The following HEATR4 variants were observed in gnomAD, a reference collection of about 807,000 sequenced individuals.
HEATR4 encodes HEAT repeat-containing protein 4.
A neutral mutation model predicts 108.8 loss-of-function variants in HEATR4; 95 were observed. The ratio of observed to expected loss-of-function variants is 0.87; its 90% CI spans 0.74 to 1.04. The LOEUF (loss-of-function observed/expected upper bound fraction) is 1.04. Ranked by LOEUF, HEATR4 falls within the 50% of genes least tolerant of loss-of-function variation. HEATR4 has a pLI of 0.00. For missense variants in HEATR4, 1,152 were observed against 1,253.8 expected (o/e 0.92, Z 1.23); for synonymous variants, 443 against 459.4 (o/e 0.96, Z 0.46).
chr14:73,502,560 T>G (rs1300172090), intron 11 of HEATR4, among the ~76,000 whole-genome samples: 11 of 152,052 alleles, frequency 7.2e-5, no homozygotes, highest in Admixed American at 7.2e-4. Context: ...AAGCACTTTT[T>G]TTTTTTGAGA....
the HEATR4 span, among the ~76,000 whole-genome samples, chr14:73,565,597 G>A: frequency 4.6e-5 from 7 of 151,866 alleles, 1 homozygote; most frequent in South Asian, 2.1e-4. Flanking sequence ...GGATGTGTTC[G>A]GAGTTTCTTC....
chr14:73,506,812 T>G lies in HEATR4; in HGVS notation c.1882-241A>C, dbSNP rs923480289. 3.2e-4 allele frequency among the ~76,000 whole-genome samples: 42 copies of G among 130,956 alleles called. 1 individual carries two copies. Among genetic ancestry groups the G allele is most frequent in the Admixed American group, 9.8e-4 (13 of 13,278 alleles). The allele number at this position is 130,956 out of a possible 152,430, so 85.9% of individuals were successfully genotyped here. A position where few individuals can be genotyped will look rare whatever the true frequency, so the allele number is the denominator to read the frequency against. On this transcript the variant is annotated intron_variant, in intron 9 of 17. Coordinates refer to ENST00000553558, the MANE Select transcript of HEATR4 (RefSeq NM_001220484.1). ...CTTTCCTGACTTTAACTGTTTTTTT[T>G]TTTTTTTTTTTTTCTGAGAAGGTTG...
At chr14:73,573,415 A>T in the HEATR4 span, 4 of 1,613,446 alleles carry the variant, frequency 2.5e-6, no homozygotes, top group Non-Finnish European at 3.4e-6. Context: ...GGGATTGTGG[A>T]CATGTTCGGA....
the HEATR4 span, among the ~76,000 whole-genome samples, chr14:73,593,424 G>A: frequency 2.3e-5 from 3 of 131,698 alleles, no homozygotes; most frequent in Admixed American, 9.5e-5. Context: ...CTGCAGCCTT[G>A]ACCTCTGGGG....
chr14:73,628,876 AC>A, the HEATR4 span, among the ~76,000 whole-genome samples: 1 of 150,662 alleles, frequency 6.6e-6, no homozygotes, highest in East Asian at 1.9e-4. Context: ...ACATGGTGAA[AC>A]CCCCGTCTCT....
chr14:73,606,640 C>A, the HEATR4 span, among the ~76,000 whole-genome samples: 2 of 152,098 alleles, frequency 1.3e-5, no homozygotes, highest in Non-Finnish European at 2.9e-5. Flanking sequence ...TTGAGCCTTA[C>A]CAAAGGTAAC....
the HEATR4 span, among the ~76,000 whole-genome samples, chr14:73,614,486 T>C: frequency 1.3e-5 from 2 of 151,964 alleles, no homozygotes; most frequent in African/African-American, 2.4e-5. Flanking sequence ...ACACCTGTAA[T>C]CCTAGCACTT....
intron 2 of HEATR4, among the ~76,000 whole-genome samples, chr14:73,528,120 C>T (rs1300099031): frequency 3.3e-5 from 5 of 151,904 alleles, no homozygotes; most frequent in East Asian, 1.9e-4. Flanking sequence ...GGAGGCTATG[C>T]GCGGTGGCTC....
At chr14:73,554,967 G>A (rs1889373960) in intron 1 of HEATR4, among the ~76,000 whole-genome samples, 1 of 113,224 alleles carries the variant, frequency 8.8e-6, no homozygotes, top group Non-Finnish European at 1.9e-5. Context: ...CTGAAGCTAT[G>A]AAGAATAAAT....
chr14:73,523,292 C>A, intron 2 of HEATR4, 68 bp from the exon 3 acceptor site: 1 of 748,136 alleles, frequency 1.3e-6, no homozygotes, highest in South Asian at 2.2e-5. Flanking sequence ...CATAGCAGTT[C>A]AGAAAGAGAA....
rs34302440 is a variant in HEATR4, at chr14:73,492,999, C to CCT, written c.2844+66_2844+67insAG. ...AGTGATTCTCCGCTGCCACTGCTAC[C>CCT]TTTTTTTTTTTTTTTTCCTTAAACT... On this transcript the variant is annotated intron_variant, in intron 17 of 17. Transcript: ENST00000553558. The surrounding 1 kb of genome is among the most constrained non-coding windows in gnomAD (Gnocchi z 4.9). 2.1e-6 allele frequency: 3 copies of CCT among 1,460,630 alleles called. No individual in the cohort carries two copies. The highest frequency in any genetic ancestry group is 1.5e-5 in the African/African-American group (1 of 65,894). 90.5% of individuals were successfully genotyped at this position (1,460,630 alleles called of 1,614,324 possible).
intron 17 of HEATR4, among the ~76,000 whole-genome samples, chr14:73,484,863 T>C (rs10137031): frequency 0.35 from 50,623 of 146,362 alleles, 8,644 homozygotes; most frequent in East Asian, 0.49. Flanking sequence ...CACACACACA[T>C]ATATGGTTTT....
chr14:73,573,458 T>A, the HEATR4 span: 1 of 1,613,736 alleles, frequency 6.2e-7, no homozygotes, highest in South Asian at 1.1e-5. Flanking sequence ...ATCGGGCTAG[T>A]CTGCTGGCTG....
At chr14:73,523,284 T>C (rs1303215991) in intron 2 of HEATR4, 60 bp from the exon 3 acceptor site, 9 of 826,362 alleles carry the variant, frequency 1.1e-5, no homozygotes, top group Non-Finnish European at 1.6e-5. Flanking sequence ...TGGTAGCCCA[T>C]AGCAGTTCAG....
chr14:73,518,678 G>A (rs1039077764), intron 5 of HEATR4, among the ~76,000 whole-genome samples: 1 of 152,154 alleles, frequency 6.6e-6, no homozygotes, highest in African/African-American at 2.4e-5. Context: ...AGGGCAGAAT[G>A]CTGGGTCAGG....
At chr14:73,573,741 T>C in the HEATR4 span, 1 of 1,017,166 alleles carries the variant, frequency 9.8e-7, no homozygotes, top group South Asian at 1.6e-5. Context: ...ACAGTTTCTT[T>C]TTTTGAGATG....
chr14:73,546,222 A>C (rs1388961372), intron 1 of HEATR4, among the ~76,000 whole-genome samples: 2 of 113,758 alleles, frequency 1.8e-5, no homozygotes, highest in African/African-American at 2.9e-5. Context: ...CTCAGGTGAT[A>C]CACCCGGCTT....
chr14:73,520,796 C>T, intron 4 of HEATR4, 56 bp downstream of exon 4: 1 of 1,494,570 alleles, frequency 6.7e-7, no homozygotes, highest in Non-Finnish European at 9.2e-7. Context: ...AGCAATCTTC[C>T]ACCTTCCTGG....
At position 73,535,497 on chromosome 14, in the gene HEATR4, T is replaced by C. The variant is rs1287277233; in HGVS notation, c.-151-5253A>G. 2.1e-3 allele frequency among the ~76,000 whole-genome samples: 122 copies of C among 56,942 alleles called. 29 individuals carry two copies. Among genetic ancestry groups the C allele is most frequent in the African/African-American group, 9.0e-3 (106 of 11,818 alleles). The allele number at this position is 56,942 out of a possible 152,430, so 37.4% of individuals were successfully genotyped here. On this transcript the variant is annotated intron_variant, in intron 1 of 17. Coordinates refer to ENST00000553558, the MANE Select transcript of HEATR4 (RefSeq NM_001220484.1). Reference sequence around the variant, plus strand: ...TTTTTTTTTTTTTTTTTTTTTTTTTTTTTTTTTTTTGCCCAGGCTGGAGTG... The same window carrying C: ...TTTTTTTTTTTTTTTTTTTTTTTTTCTTTTTTTTTTGCCCAGGCTGGAGTG...
Sources: allele counts gnomAD v4.1 joint callset (sites outside exome capture counted in the v4.1 genomes callset), GRCh38; gene constraint gnomAD v4.1.1; non-coding constraint Gnocchi (gnomAD v3.1); transcripts MANE v1.5; gene names NCBI Gene and HGNC (gene_info 2026-07-23, HGNC 2026-07-21).